The following PIP5K1B variants were observed in gnomAD, a reference collection of about 807,000 sequenced individuals.
PIP5K1B encodes the protein phosphatidylinositol-4-phosphate 5-kinase type 1 beta.
A neutral mutation model predicts 67.0 loss-of-function variants in PIP5K1B; 42 were observed. The observed-to-expected ratio is 0.63, with a 90% CI of 0.49 to 0.81. The LOEUF (loss-of-function observed/expected upper bound fraction) is 0.81. Among genes scored for constraint, PIP5K1B ranks in the 30% least tolerant of loss-of-function variants. The pLI is 0.00. For synonymous variants in PIP5K1B, 214 were observed against 231.4 expected, an observed-to-expected ratio of 0.92 and a Z score of 0.68; for missense variants, 459 against 646.3, an observed-to-expected ratio of 0.71 and a Z score of 3.14.
intron 1 of PIP5K1B, among the ~76,000 whole-genome samples, chr9:68,734,532 A>C (rs1828630966): frequency 6.6e-6 from 1 of 152,210 alleles, no homozygotes; most frequent in Non-Finnish European, 1.5e-5. Context: ...GGTAGCAGGC[A>C]GATGGGTCCA....
At chr9:68,874,770 A>G (rs982157363) in intron 5 of PIP5K1B, among the ~76,000 whole-genome samples, 6 of 152,184 alleles carry the variant, frequency 3.9e-5, no homozygotes, top group African/African-American at 1.2e-4. Context: ...ATGGGATAGA[A>G]GGTGAAAAAG....
chr9:68,991,181 G>T lies in PIP5K1B; in HGVS notation c.1544G>T (p.Gly515Val), dbSNP rs767403913. 6.2e-7 allele frequency: 1 copy of T among 1,611,560 alleles called. No homozygotes were observed. The highest frequency in any genetic ancestry group is 8.5e-7 in the Non-Finnish European group (1 of 1,177,694). ...AGTTCAACATTTACCTTGGAAGAGG[G>T]GACCATCTACTTGACCGCTGAGCCC... The part of the protein sequence containing the change: ...PSSSTFTLEE[G>V]TIYLTAEPNT... The change falls in exon 15 of 16, where the codon GGG becomes GTG. Residue 515 changes from glycine to valine, a missense_variant. Gly to Val is a moderately radical substitution (Grantham distance 109). Around this residue, in one of 2 missense-constraint regions of PIP5K1B, gnomAD observed 169 missense variants for 171.9 expected, o/e 0.98. Coordinates refer to ENST00000265382, the MANE Select transcript of PIP5K1B (RefSeq NM_003558.4).
intron 2 of PIP5K1B, among the ~76,000 whole-genome samples, chr9:68,764,978 C>A (rs1830361032): frequency 6.6e-6 from 1 of 151,984 alleles, no homozygotes. Context: ...AAATTCCCTG[C>A]CTTTTAGAAC....
intron 14 of PIP5K1B, among the ~76,000 whole-genome samples, chr9:68,962,501 A>T (rs1828806419): frequency 6.6e-6 from 1 of 152,224 alleles, no homozygotes; most frequent in South Asian, 2.1e-4. Flanking sequence ...TGACTGCCTC[A>T]TAAAGAACAG....
chr9:68,961,320 T>C (rs991631147), intron 14 of PIP5K1B, among the ~76,000 whole-genome samples: 3 of 152,094 alleles, frequency 2.0e-5, no homozygotes, highest in African/African-American at 7.2e-5. Context: ...TAACTATTAA[T>C]GAGCACAATT....
intron 6 of PIP5K1B, among the ~76,000 whole-genome samples, chr9:68,880,617 G>A (rs957649934): frequency 4.3e-5 from 6 of 138,956 alleles, no homozygotes; most frequent in Non-Finnish European, 6.3e-5. Flanking sequence ...ACACACACAC[G>A]CATACACACA....
At chr9:68,708,377 T>G (rs1827223098) in intron 1 of PIP5K1B, among the ~76,000 whole-genome samples, 1 of 152,124 alleles carries the variant, frequency 6.6e-6, no homozygotes, top group Admixed American at 6.5e-5. Flanking sequence ...ACCATGTAAA[T>G]TCCCAACACA....
chr9:68,942,622 C>T (rs894922084), intron 14 of PIP5K1B, among the ~76,000 whole-genome samples: 9 of 152,104 alleles, frequency 5.9e-5, no homozygotes, highest in African/African-American at 1.9e-4. Context: ...GTTCCACCTC[C>T]GCATGCTCCC....
intron 4 of PIP5K1B, among the ~76,000 whole-genome samples, chr9:68,852,996 T>C (rs1447616552): frequency 1.3e-5 from 2 of 152,222 alleles, no homozygotes; most frequent in East Asian, 3.8e-4. Context: ...TAGAAAGTTT[T>C]GAAGGCCAAG....
intron 2 of PIP5K1B, among the ~76,000 whole-genome samples, chr9:68,798,645 G>C (rs965692259): frequency 6.6e-6 from 1 of 152,132 alleles, no homozygotes; most frequent in African/African-American, 2.4e-5. Flanking sequence ...AGCATGGAGA[G>C]CTAGGCAGGC....
At chr9:68,979,464 A>G (rs993510349) in intron 14 of PIP5K1B, among the ~76,000 whole-genome samples, 1 of 152,224 alleles carries the variant, frequency 6.6e-6, no homozygotes, top group Non-Finnish European at 1.5e-5. Context: ...TCATAGCGAT[A>G]TACGGTGAAA....
chr9:68,717,627 T>A (rs1334988861), intron 1 of PIP5K1B, among the ~76,000 whole-genome samples: 2 of 152,166 alleles, frequency 1.3e-5, no homozygotes, highest in Non-Finnish European at 2.9e-5. Flanking sequence ...AAGAGCTTTC[T>A]GGGATCTCCT....
intron 4 of PIP5K1B, among the ~76,000 whole-genome samples, chr9:68,843,620 C>A (rs1167901158): frequency 6.6e-6 from 1 of 152,218 alleles, no homozygotes; most frequent in East Asian, 1.9e-4. Context: ...GACCACCCAT[C>A]CCTCTGTCAG....
rs1016708105 is a variant in PIP5K1B, at chr9:68,883,807, A to T, written c.319-5174A>T. 2.3e-5 allele frequency among the ~76,000 whole-genome samples: 3 copies of T among 131,926 alleles called. No homozygotes were observed. The Admixed American group carries it at 2.6e-4, about 11-fold the overall frequency. The allele number at this position is 131,926 out of a possible 152,430, so 86.5% of individuals were successfully genotyped here. On this transcript the variant is annotated intron_variant, in intron 6 of 15. Coordinates refer to ENST00000265382, the MANE Select transcript of PIP5K1B (RefSeq NM_003558.4). The stretch of plus-strand genomic sequence containing the variant: ...AAAACAGACACATTGACCAAATAGG[A>T]TAGAGAGCCCAGAAATAAACACACA...
rs551910760 is a variant in PIP5K1B, at chr9:68,905,087, A to G, written c.771+10449A>G. Among the ~76,000 whole-genome samples the G allele has an allele frequency of 7.9e-5, 12 of 152,210 alleles. No individual in the cohort carries two copies. The South Asian group carries it at 1.0e-3, about 13-fold the overall frequency. The stretch of plus-strand genomic sequence containing the variant: ...TAGAGTTTCTGGCTTTTTTGTAAAA[A>G]GAACCTACTGGTCTCTGATTAGATG... On this transcript the variant is annotated intron_variant, in intron 8 of 15. Transcript: ENST00000265382.
intron 2 of PIP5K1B, among the ~76,000 whole-genome samples, chr9:68,760,439 A>G (rs1348776095): frequency 6.6e-6 from 1 of 152,144 alleles, no homozygotes; most frequent in Non-Finnish European, 1.5e-5. Context: ...GAGTTAAGTT[A>G]TCTATGACCA....
intron 14 of PIP5K1B, among the ~76,000 whole-genome samples, chr9:68,974,767 A>C (rs1295789927): frequency 6.6e-6 from 1 of 152,224 alleles, no homozygotes; most frequent in Non-Finnish European, 1.5e-5. Flanking sequence ...GAACAGTTAT[A>C]ATTACAGTGT....
intron 6 of PIP5K1B, among the ~76,000 whole-genome samples, chr9:68,887,684 C>T (rs1460021430): frequency 6.6e-6 from 1 of 152,164 alleles, no homozygotes; most frequent in Non-Finnish European, 1.5e-5. Flanking sequence ...AGACCAGAAG[C>T]TTGCCATAAC....
At chr9:68,951,383 G>C (rs900884718) in intron 14 of PIP5K1B, among the ~76,000 whole-genome samples, 1 of 152,166 alleles carries the variant, frequency 6.6e-6, no homozygotes, top group Non-Finnish European at 1.5e-5. Flanking sequence ...GAATGGTTCA[G>C]ACTAAGCACT....
Sources: gnomAD v4.1 joint callset for allele counts (sites outside exome capture counted in the v4.1 genomes callset) on GRCh38, gnomAD v4.1.1 for gene constraint, gnomAD v4.1.1 regional missense constraint, MANE v1.5 for transcripts, NCBI Gene and HGNC (gene_info 2026-07-23, HGNC 2026-07-21) for gene names.